RPP40: variants seen among roughly 807,000 people sequenced by gnomAD.
RPP40 encodes the protein ribonuclease P protein subunit p40.
In RPP40, 30 loss-of-function variants were observed where a neutral mutation model predicts 42.5. The ratio of observed to expected loss-of-function variants is 0.71; its 90% CI spans 0.53 to 0.96. RPP40 has a LOEUF of 0.96. Ranked by LOEUF, RPP40 falls within the 40% of genes least tolerant of loss-of-function variation. RPP40 has a pLI of 0.00. For synonymous variants in RPP40, 173 were observed against 164.0 expected (o/e 1.05, Z -0.42); for missense variants, 426 against 433.5 (o/e 0.98, Z 0.15).
At chr6:5,002,759 C>A (rs1193516344) in intron 1 of RPP40, among the ~76,000 whole-genome samples, 2 of 152,100 alleles carry the variant, frequency 1.3e-5, no homozygotes, top group East Asian at 1.9e-4. Flanking sequence ...ATGCAACAGG[C>A]GAGTTAAAGT....
chr6:4,996,490 A>AACCC, intron 5 of RPP40, 70 bp from the exon 6 acceptor site: 1 of 1,397,902 alleles, frequency 7.2e-7, no homozygotes, highest in Non-Finnish European at 1.0e-6. Flanking sequence ...TGAATACCTG[A>AACCC]ACCCACCCAT....
downstream of RPP40, among the ~76,000 whole-genome samples, chr6:4,992,943 T>A (rs1759280927): frequency 6.6e-6 from 1 of 152,228 alleles, no homozygotes; most frequent in Non-Finnish European, 1.5e-5. Context: ...CTTCAAATGG[T>A]AGCACGTCAC....
rs1057086583 is a variant in RPP40 at position 4,999,795 on chromosome 6, C to T, written c.433+14G>A. 7.2e-6 allele frequency: 10 copies of T among 1,392,928 alleles called. No individual in the cohort carries two copies. Among genetic ancestry groups the T allele is most frequent in the African/African-American group, 1.4e-5 (1 of 70,492 alleles). 86.3% of individuals were successfully genotyped at this position (1,392,928 alleles called of 1,614,324 possible). Reference sequence around the variant, plus strand: ...AAGAAGATTAGAAACAGATGGAACACACATGATACTTACTAAATTTCATAA... The same window carrying T: ...AAGAAGATTAGAAACAGATGGAACATACATGATACTTACTAAATTTCATAA... On this transcript the variant is annotated intron_variant, in intron 4 of 7. Transcript: ENST00000380051.
At chr6:4,998,945 T>C in intron 4 of RPP40, 104 bp from the exon 5 acceptor site, 1 of 729,380 alleles carries the variant, frequency 1.4e-6, no homozygotes, top group Non-Finnish European at 2.0e-6. Context: ...GGAAATTTTA[T>C]GGATAGTAAA....
At chr6:5,000,724 G>A (rs1400123257) in intron 2 of RPP40, 93 bp from the exon 3 acceptor site, 12 of 800,794 alleles carry the variant, frequency 1.5e-5, no homozygotes, top group Non-Finnish European at 2.1e-5. Context: ...CAGTCTTCCG[G>A]GTCATTAAAG....
chr6:5,000,606 A>T lies in RPP40; in HGVS notation c.294T>A (p.Asn98Lys), dbSNP rs139252154. The change falls in exon 3 of 8, where the codon AAT (asparagine) becomes AAA (lysine). Residue 98 changes from asparagine (N) to lysine (K), a missense_variant. Asn to Lys is a moderately conservative substitution (Grantham distance 94). Coordinates refer to ENST00000380051, the MANE Select transcript of RPP40 (RefSeq NM_006638.4). The stretch of plus-strand genomic sequence containing the variant: ...CAGTATTATCTTCATCAATATGTGT[A>T]TTGTATGTTAGTGCATAGCAAGAAC... ...KKGSCYALTYNTHIDEDNTVA... is the reference protein window; with the variant it reads ...KKGSCYALTYKTHIDEDNTVA... 804 of 1,594,534 alleles carry T rather than the reference A, an allele frequency of 5.0e-4. 8 individuals are homozygous for T. The African/African-American group carries it at 9.7e-3, about 19-fold the overall frequency.
Position 4,998,771 on chromosome 6 carries a change from A to G in RPP40, c.504T>C (p.Ser168=), listed in dbSNP as rs2127541512. The change falls in exon 5 of 8, where the codon TCT becomes TCC. Residue 168 remains serine, a synonymous_variant. Transcript: ENST00000380051. ...ATTTCAATGGCTTCTTTTCTTTGAA[A>G]GACCAAGATATTCTTTCATACTTCT... ...DSKKYERISW[S]FKEKKPLKFD... 1.9e-6 allele frequency: 3 copies of G among 1,552,328 alleles called. No individual in the cohort carries two copies. The highest frequency in any genetic ancestry group is 2.6e-6 in the Non-Finnish European group (3 of 1,138,150).
chr6:4,996,513 G>A (rs1198854820), intron 5 of RPP40, 93 bp from the exon 6 acceptor site: 172 of 1,160,192 alleles, frequency 1.5e-4, no homozygotes, highest in Middle Eastern at 2.9e-4. Context: ...CCATCTGAGC[G>A]GTAAGATTGA....
At position 4,998,700 on chromosome 6, in the gene RPP40, A is replaced by T; in HGVS notation, c.559+16T>A. The T allele has an allele frequency of 6.6e-7, 1 of 1,506,418 alleles. No homozygotes were observed. The highest frequency in any genetic ancestry group is 9.0e-7 in the Non-Finnish European group (1 of 1,111,960). 93.3% of individuals were successfully genotyped at this position (1,506,418 alleles called of 1,614,324 possible). ...TTTCAAAATCACTGTATCATTACAT[A>T]ATTTATTCCTCATACCTGTTTTATG... On this transcript the variant is annotated intron_variant, in intron 5 of 7. Coordinates refer to ENST00000380051, the MANE Select transcript of RPP40 (RefSeq NM_006638.4).
At position 4,995,277 on chromosome 6, in the gene RPP40, C is replaced by A; in HGVS notation, c.894-1G>T. 6.3e-7 allele frequency: 1 copy of A among 1,599,842 alleles called. No individual in the cohort carries two copies. The highest frequency in any genetic ancestry group is 8.5e-7 in the Non-Finnish European group (1 of 1,173,690). ...TAACTTCGGTTCATCAAAGTAGTGA[C>A]TGAAAAAAAGGTAGTTGTTAAACAG... On this transcript the variant is annotated splice_acceptor_variant, in intron 7 of 7. Coordinates refer to ENST00000380051, the MANE Select transcript of RPP40 (RefSeq NM_006638.4). LOFTEE classifies it high-confidence loss of function.
At chr6:4,998,987 T>C in intron 4 of RPP40, 146 bp from the exon 5 acceptor site, 2 of 513,162 alleles carry the variant, frequency 3.9e-6, no homozygotes, top group Non-Finnish European at 6.5e-6. Context: ...TCCCTTTGGT[T>C]TGCCAAATAA....
chr6:4,995,138 A>G lies in RPP40; in HGVS notation c.1032T>C (p.Phe344=), dbSNP rs1450749169. The change falls in exon 8 of 8, where the codon TTT becomes TTC. Residue 344 remains phenylalanine (F), a synonymous_variant. Transcript: ENST00000380051. Reference sequence around the variant, plus strand: ...TCTGAAGCCAATAGTCCTGATTATTAAAAATCACAAAGTTATATAAATGTT... The same window carrying G: ...TCTGAAGCCAATAGTCCTGATTATTGAAAATCACAAAGTTATATAAATGTT... ...GGEHLYNFVI[F]NNQDYWLQMA... The G allele has an allele frequency of 6.2e-7, 1 of 1,614,120 alleles. No individual in the cohort carries two copies.
downstream of RPP40, among the ~76,000 whole-genome samples, chr6:4,991,344 G>A (rs945554404): frequency 2.0e-5 from 3 of 152,108 alleles, no homozygotes; most frequent in Non-Finnish European, 2.9e-5. Flanking sequence ...GTGTACTTGC[G>A]AAAAACTCTT....
At chr6:4,996,162 C>G (rs1759372730) in intron 6 of RPP40, 60 bp downstream of exon 6, 1 of 1,604,948 alleles carries the variant, frequency 6.2e-7, no homozygotes, top group Non-Finnish European at 8.5e-7. Flanking sequence ...GTATTAAACT[C>G]CTATTAAAAA....
At chr6:5,000,661 A>C (rs1208962822) in intron 2 of RPP40, 30 bp from the exon 3 acceptor site, 3 of 1,361,904 alleles carry the variant, frequency 2.2e-6, no homozygotes, top group African/African-American at 2.9e-5. Flanking sequence ...GGAAAAATTT[A>C]AAACAAGAAA....
intron 1 of RPP40, among the ~76,000 whole-genome samples, chr6:5,002,731 C>T (rs1266556528): frequency 6.6e-6 from 1 of 152,214 alleles, no homozygotes; most frequent in African/African-American, 2.4e-5. Context: ...TGTATGTTTT[C>T]ATTTTCGAGA....
At position 4,995,994 on chromosome 6, in the gene RPP40, A is replaced by C. The variant is rs1489274449; in HGVS notation, c.850T>G (p.Phe284Val). 6.2e-7 allele frequency: 1 copy of C among 1,614,010 alleles called. No individual in the cohort carries two copies. Among genetic ancestry groups the C allele is most frequent in the Non-Finnish European group, 8.5e-7 (1 of 1,179,964 alleles). ...AGACAGATCTTCTCTGGAAGTATGAAGCCAGTGATTGTACACAAATAAGCT... is the reference window on the plus strand; with the variant it reads ...AGACAGATCTTCTCTGGAAGTATGACGCCAGTGATTGTACACAAATAAGCT... ...AKAYLCTITG[F>V]ILPEKICLLL... Residue 284 changes from phenylalanine (F) to valine (V), a missense_variant, in exon 7 of 8, where the codon TTC (phenylalanine) becomes GTC (valine). By Grantham distance (50) the Phe-to-Val change is conservative. Coordinates refer to ENST00000380051, the MANE Select transcript of RPP40 (RefSeq NM_006638.4).
intron 5 of RPP40, among the ~76,000 whole-genome samples, chr6:4,996,714 A>C (rs1358106008): frequency 6.6e-6 from 1 of 152,222 alleles, no homozygotes; most frequent in Non-Finnish European, 1.5e-5. Flanking sequence ...TCACACTTAA[A>C]ACCAAAAGCA....
intron 1 of RPP40, 23 bp downstream of exon 1, chr6:5,003,857 A>C: frequency 6.3e-7 from 1 of 1,595,852 alleles, no homozygotes; most frequent in Non-Finnish European, 8.6e-7. Flanking sequence ...ACGGCCCGAA[A>C]AGCCGAGGAC....
Sources: allele counts gnomAD v4.1 joint callset (sites outside exome capture counted in the v4.1 genomes callset), GRCh38; gene constraint gnomAD v4.1.1; transcripts MANE v1.5; gene names NCBI Gene and HGNC (gene_info 2026-07-23, HGNC 2026-07-21).